Variants in TRAFD1 observed in about 807,000 individuals in gnomAD.
The protein encoded by TRAFD1 is TRAF-type zinc finger domain containing 1.
A neutral mutation model predicts 65.3 loss-of-function variants in TRAFD1; 38 were observed. The observed-to-expected ratio is 0.58, with a 90% confidence interval of 0.45 to 0.76. The LOEUF is 0.76. Ranked by LOEUF, TRAFD1 falls within the 30% of genes least tolerant of loss-of-function variation. The pLI is 0.00. For missense variants in TRAFD1, 631 were observed against 712.6 expected, an observed-to-expected ratio of 0.89 and a Z score of 1.30; for synonymous variants, 223 against 257.2, an observed-to-expected ratio of 0.87 and a Z score of 1.27.
chr12:112,130,424 T>G lies in TRAFD1; in HGVS notation c.-12-87T>G. 3 of 992,578 alleles carry G rather than the reference T, an allele frequency of 3.0e-6. No homozygotes were observed. The highest frequency in any genetic ancestry group is 4.7e-6 in the Non-Finnish European group (3 of 638,652). The allele number at this position is 992,578 out of a possible 1,614,324, so 61.5% of individuals were successfully genotyped here. ...ATGCAGGTTTGGGTGACAGTTTCTG[T>G]ATACTAGTTTTTTATTTGTTTTTTT... On this transcript the variant is annotated intron_variant, in intron 1 of 11. Transcript: ENST00000412615. This position sits in a 1 kb window ranked among gnomAD's most constrained non-coding sequence, Gnocchi z 4.4.
chr12:112,141,379 TAACC>T, intron 5 of TRAFD1, 155 bp downstream of exon 5: 6 of 854,302 alleles, frequency 7.0e-6, no homozygotes, highest in Non-Finnish European at 1.1e-5. Flanking sequence ...AAAATGGAAA[TAACC>T]TCCATTGGAT....
intron 1 of TRAFD1, among the ~76,000 whole-genome samples, chr12:112,127,006 TTTA>T (rs1159509541): frequency 6.6e-6 from 1 of 152,182 alleles, no homozygotes; most frequent in African/African-American, 2.4e-5. Flanking sequence ...CCTTCAGTGG[TTTA>T]CCATTGAGCT....
chr12:112,142,631 A>G (rs1436930365), intron 6 of TRAFD1, among the ~76,000 whole-genome samples: 1 of 151,642 alleles, frequency 6.6e-6, no homozygotes, highest in East Asian at 2.0e-4. Context: ...GCCTGGTGAC[A>G]GAGTGACACC....
intron 4 of TRAFD1, among the ~76,000 whole-genome samples, chr12:112,139,303 T>TCGTA (rs1326477787): frequency 6.6e-6 from 1 of 151,962 alleles, no homozygotes; most frequent in Non-Finnish European, 1.5e-5. Context: ...TAAGCCATGA[T>TCGTA]CGTACCACTG....
At chr12:112,147,620 T>A (rs1486690377) in intron 7 of TRAFD1, among the ~76,000 whole-genome samples, 1 of 152,166 alleles carries the variant, frequency 6.6e-6, no homozygotes, top group African/African-American at 2.4e-5. Context: ...ATGAGTGTTC[T>A]ATGTGTATTC....
At chr12:112,151,665 T>C in intron 9 of TRAFD1, 136 bp from the exon 10 acceptor site, 1 of 807,424 alleles carries the variant, frequency 1.2e-6, no homozygotes, top group Non-Finnish European at 1.9e-6. Context: ...CCCAAAGTGC[T>C]GGGTTTACAG....
intron 6 of TRAFD1, among the ~76,000 whole-genome samples, chr12:112,144,099 A>G (rs2030167829): frequency 6.6e-6 from 1 of 152,120 alleles, no homozygotes; most frequent in Non-Finnish European, 1.5e-5. Context: ...AAAAATAGCA[A>G]AAACTGTTTC....
rs1477713695 is a variant in TRAFD1, at chr12:112,141,033, A to C, written c.452A>C (p.Asn151Thr). The C allele has an allele frequency of 1.9e-6, 3 of 1,614,194 alleles. No individual in the cohort carries two copies. The highest frequency in any genetic ancestry group is 2.2e-5 in the East Asian group (1 of 44,892). Residue 151 changes from asparagine to threonine, a missense_variant, in exon 5 of 12, where the codon AAT becomes ACT. Transcript: ENST00000412615. ...AGAAATGAGGTTGCCATACCTCCTA[A>C]TGCATATGATGAATCTTGGGGTCAG... ...EKRNEVAIPP[N>T]AYDESWGQDG...
At position 112,151,901 on chromosome 12, in the gene TRAFD1, T is replaced by C; in HGVS notation, c.1380T>C (p.Ala460=). Residue 460 remains alanine, a synonymous_variant, in exon 10 of 12, where the codon GCT becomes GCC. Transcript: ENST00000412615. ...PPSRPINNMT[A]TYNQLSRSTS... ...GCCGACCCATTAACAATATGACAGCTACCTATAACCAGCTATCGAGATCAA... is the reference window on the plus strand; with the variant it reads ...GCCGACCCATTAACAATATGACAGCCACCTATAACCAGCTATCGAGATCAA... 1.2e-6 allele frequency: 2 copies of C among 1,614,136 alleles called. No individual in the cohort carries two copies. Among genetic ancestry groups the C allele is most frequent in the Non-Finnish European group, 1.7e-6 (2 of 1,180,022 alleles).
At position 112,148,187 on chromosome 12, in the gene TRAFD1, T is replaced by C; in HGVS notation, c.1041T>C (p.Ser347=). The C allele has an allele frequency of 4.3e-6, 7 of 1,614,212 alleles. No individual in the cohort carries two copies. The highest frequency in any genetic ancestry group is 5.9e-6 in the Non-Finnish European group (7 of 1,180,038). The change falls in exon 8 of 12, where the codon AGT becomes AGC. Residue 347 remains serine, a synonymous_variant. Transcript: ENST00000412615. ...IFQNFLQQAA[S]NQLDSLMGLS... ...AGAACTTCTTGCAACAGGCTGCAAG[T>C]AACCAGTTAGACTCTTTGATGGGCC...
In TRAFD1 at chr12:112,131,950, T is replaced by C. The variant is rs560438657; in HGVS notation, c.47+1381T>C. ...CTTGTTGCTTCATATTATGATGGTG[T>C]GGTCCTTAATATTTTTTGTTTTAAT... On this transcript the variant is annotated intron_variant, in intron 2 of 11. Transcript: ENST00000412615. 7.7e-4 allele frequency among the ~76,000 whole-genome samples: 117 copies of C among 152,360 alleles called. 1 individual carries two copies. Among genetic ancestry groups the C allele is most frequent in the African/African-American group, 2.8e-3 (115 of 41,586 alleles).
intron 2 of TRAFD1, 101 bp from the exon 3 acceptor site, chr12:112,134,637 C>G (rs550420121): frequency 7.4e-7 from 1 of 1,343,950 alleles, no homozygotes; most frequent in South Asian, 1.4e-5. Flanking sequence ...ATAATGGAGA[C>G]TAAAGATTGG....
In TRAFD1 at chr12:112,141,378, A is replaced by G. The variant is rs913128636; in HGVS notation, c.643+154A>G. On this transcript the variant is annotated intron_variant, in intron 5 of 11. Transcript: ENST00000412615. Reference sequence around the variant, plus strand: ...TACCTCTCTTTCCTATAAAATGGAAATAACCTCCATTGGATTATAGTTAGG... The same window carrying G: ...TACCTCTCTTTCCTATAAAATGGAAGTAACCTCCATTGGATTATAGTTAGG... 6.3e-5 allele frequency: 54 copies of G among 860,122 alleles called. No individual in the cohort carries two copies. In the Middle Eastern group the frequency reaches 1.7e-3, roughly 27 times the overall value. The allele number at this position is 860,122 out of a possible 1,614,324, so 53.3% of individuals were successfully genotyped here. A position where few individuals can be genotyped will look rare whatever the true frequency, so the allele number is the denominator to read the frequency against.
At chr12:112,127,968 G>A (rs547541890) in intron 1 of TRAFD1, among the ~76,000 whole-genome samples, 2 of 151,854 alleles carry the variant, frequency 1.3e-5, no homozygotes, top group Non-Finnish European at 2.9e-5. Flanking sequence ...CTTCCAGAGT[G>A]CTGGGATTAC....
chr12:112,130,365 C>T lies in TRAFD1; in HGVS notation c.-12-146C>T. ...TTGAAAATTTTAAAATAAGAAAATC[C>T]CAAGGGACTGGATATTGAATAAAAT... On this transcript the variant is annotated intron_variant, in intron 1 of 11. Transcript: ENST00000412615. This position sits in a 1 kb window ranked among gnomAD's most constrained non-coding sequence, Gnocchi z 4.4. 6.5e-6 allele frequency: 3 copies of T among 462,036 alleles called. No individual in the cohort carries two copies. The highest frequency in any genetic ancestry group is 4.4e-5 in the South Asian group (1 of 22,922). The allele number at this position is 462,036 out of a possible 1,614,324, so 28.6% of individuals were successfully genotyped here. A position where few individuals can be genotyped will look rare whatever the true frequency, so the allele number is the denominator to read the frequency against.
rs1217143285 is a variant in TRAFD1, at chr12:112,125,626, GT to G, written c.-13+9del. 2 of 152,658 alleles carry G rather than the reference GT, an allele frequency of 1.3e-5. No homozygotes were observed. The highest frequency in any genetic ancestry group is 4.8e-5 in the African/African-American group (2 of 41,488). The allele number at this position is 152,658 out of a possible 1,614,324, so 9.5% of individuals were successfully genotyped here. A position where few individuals can be genotyped will look rare whatever the true frequency, so the allele number is the denominator to read the frequency against. On this transcript the variant is annotated intron_variant, in intron 1 of 11. Coordinates refer to ENST00000412615, the MANE Select transcript of TRAFD1 (RefSeq NM_006700.3). The stretch of plus-strand genomic sequence containing the variant: ...TTTCTCCTCTCGTCCCTGGTGAGGT[GT>G]AGCGGCGGCACGCGGCTGGAGATCC...
In TRAFD1 at chr12:112,144,474, T is replaced by A. The variant is rs570550315; in HGVS notation, c.851-1112T>A. Among the ~76,000 whole-genome samples the A allele has an allele frequency of 2.0e-5, 3 of 152,260 alleles. No homozygotes were observed. In the East Asian group the frequency reaches 5.8e-4, roughly 29 times the overall value. On this transcript the variant is annotated intron_variant, in intron 6 of 11. Transcript: ENST00000412615. ...TTAGTAGAGACAGGGTTTTACCGTGTCGCTCAGGTTGGTCTGGAACTCCTG... is the reference window on the plus strand; with the variant it reads ...TTAGTAGAGACAGGGTTTTACCGTGACGCTCAGGTTGGTCTGGAACTCCTG...
At chr12:112,145,993 G>A (rs1296498886) in intron 7 of TRAFD1, among the ~76,000 whole-genome samples, 1 of 145,344 alleles carries the variant, frequency 6.9e-6, no homozygotes, top group Non-Finnish European at 1.5e-5. Flanking sequence ...CACAGGAAGG[G>A]GAACATCACA....
At chr12:112,140,438 A>G (rs1246695046) in intron 4 of TRAFD1, among the ~76,000 whole-genome samples, 1 of 151,054 alleles carries the variant, frequency 6.6e-6, no homozygotes, top group Non-Finnish European at 1.5e-5. Flanking sequence ...AAAAAAAAAA[A>G]GACTGAATTG....
Sources: allele counts gnomAD v4.1 joint callset (sites outside exome capture counted in the v4.1 genomes callset), GRCh38; gene constraint gnomAD v4.1.1; non-coding constraint Gnocchi (gnomAD v3.1); transcripts MANE v1.5; gene names NCBI Gene and HGNC (gene_info 2026-07-23, HGNC 2026-07-21).